The following HOMER1 variants were observed in gnomAD, a reference collection of about 807,000 sequenced individuals.
HOMER1 encodes homer scaffold protein 1.
A neutral mutation model predicts 48.9 loss-of-function variants in HOMER1; 3 were observed. That is an observed-to-expected ratio of 0.06 (90% CI 0.03 to 0.16). HOMER1 has a LOEUF of 0.16. HOMER1 is among the 10% of genes least tolerant of loss of function. The probability of loss-of-function intolerance (pLI) is 1.00; values close to 1 mark genes in which losing one functional copy is unlikely to be tolerated. For synonymous variants in HOMER1, 134 were observed against 146.4 expected, an observed-to-expected ratio of 0.92 and a Z score of 0.61; for missense variants, 247 against 411.4, an observed-to-expected ratio of 0.60 and a Z score of 3.46.
At chr5:79,400,417 C>T (rs990460433) in intron 6 of HOMER1, among the ~76,000 whole-genome samples, 3 of 149,148 alleles carry the variant, frequency 2.0e-5, no homozygotes, top group Non-Finnish European at 4.4e-5. Flanking sequence ...TATGCAGTGG[C>T]GTGATCTCAG....
At chr5:79,487,754 G>A (rs1055119808) in intron 1 of HOMER1, among the ~76,000 whole-genome samples, 2 of 152,212 alleles carry the variant, frequency 1.3e-5, no homozygotes, top group Non-Finnish European at 2.9e-5. Context: ...GGGGAACTGT[G>A]ATCACTTATT....
At chr5:79,440,990 T>G (rs1750721101) in intron 4 of HOMER1, among the ~76,000 whole-genome samples, 2 of 151,852 alleles carry the variant, frequency 1.3e-5, no homozygotes, top group Admixed American at 6.6e-5. Flanking sequence ...AAACCCAATC[T>G]CTACAAAAAT....
intron 1 of HOMER1, among the ~76,000 whole-genome samples, chr5:79,493,150 C>G (rs914322444): frequency 6.6e-6 from 1 of 152,104 alleles, no homozygotes; most frequent in African/African-American, 2.4e-5. Context: ...AACTCCTGAC[C>G]TCAGGCGATC....
At chr5:79,437,818 C>T (rs1392751215) in intron 5 of HOMER1, among the ~76,000 whole-genome samples, 1 of 152,066 alleles carries the variant, frequency 6.6e-6, no homozygotes, top group Non-Finnish European at 1.5e-5. Flanking sequence ...ACATGCCTGG[C>T]CTAAGTTTTT....
intron 1 of HOMER1, among the ~76,000 whole-genome samples, chr5:79,500,874 C>T (rs1232458202): frequency 2.6e-5 from 4 of 151,670 alleles, no homozygotes; most frequent in African/African-American, 9.7e-5. Context: ...ATCCGCCCGC[C>T]TCAGCCTCCC....
At chr5:79,505,564 C>A (rs551620949) in intron 1 of HOMER1, among the ~76,000 whole-genome samples, 2 of 152,232 alleles carry the variant, frequency 1.3e-5, no homozygotes, top group African/African-American at 4.8e-5. Context: ...GGTGCCAACA[C>A]TTCTCAAAAG....
At chr5:79,467,310 G>C (rs1437130181) in intron 1 of HOMER1, among the ~76,000 whole-genome samples, 3 of 143,400 alleles carry the variant, frequency 2.1e-5, no homozygotes, top group East Asian at 4.5e-4. Context: ...AGAATGGCTT[G>C]AACCTGGGAG....
intron 1 of HOMER1, among the ~76,000 whole-genome samples, chr5:79,483,829 T>C (rs977059923): frequency 6.7e-5 from 10 of 148,564 alleles, no homozygotes; most frequent in African/African-American, 2.0e-4. Context: ...CCGAGGTGGG[T>C]GGATCACCTG....
At position 79,429,766 on chromosome 5, in the gene HOMER1, G is replaced by A. The variant is rs138186000; in HGVS notation, c.527+9244C>T. ...TGGCTGGGCGTGGTGGCTCACGCCT[G>A]TAATCCCAGCACTTTGGGAGGAAGA... On this transcript the variant is annotated intron_variant, in intron 5 of 8. Transcript: ENST00000334082. Among the ~76,000 whole-genome samples the A allele has an allele frequency of 4.0e-3, 605 of 152,316 alleles. 6 individuals carry two copies. Among genetic ancestry groups the A allele is most frequent in the African/African-American group, 0.014 (580 of 41,582 alleles).
At chr5:79,404,054 T>A (rs1189851669) in intron 5 of HOMER1, among the ~76,000 whole-genome samples, 2 of 152,228 alleles carry the variant, frequency 1.3e-5, no homozygotes, top group East Asian at 3.8e-4. Context: ...TAGATTTTTC[T>A]TTAAACCACC....
intron 5 of HOMER1, among the ~76,000 whole-genome samples, chr5:79,421,966 C>T (rs139678358): frequency 2.6e-5 from 4 of 152,110 alleles, no homozygotes; most frequent in African/African-American, 9.7e-5. Flanking sequence ...GTGGCTCACA[C>T]CTCTAATCCC....
intron 4 of HOMER1, among the ~76,000 whole-genome samples, chr5:79,443,658 C>A (rs900552657): frequency 6.6e-6 from 1 of 152,156 alleles, no homozygotes; most frequent in Non-Finnish European, 1.5e-5. Flanking sequence ...ATGCTAAGTA[C>A]TTTCTAATCC....
At chr5:79,445,897 G>C (rs551204406) in intron 4 of HOMER1, among the ~76,000 whole-genome samples, 2 of 152,334 alleles carry the variant, frequency 1.3e-5, no homozygotes, top group South Asian at 4.1e-4. Flanking sequence ...CTGGGTGACA[G>C]AGCATGACTC....
rs201780408 is a variant in HOMER1 at position 79,425,775 on chromosome 5, G to GA, written c.527+13234dup. Reference sequence around the variant, plus strand: ...AGTATCCATTCTCTGTAACTCTAGAGAAAAAAAAAATCTATTATTTCGTAG... The same window carrying GA: ...AGTATCCATTCTCTGTAACTCTAGAGAAAAAAAAAAATCTATTATTTCGTAG... On this transcript the variant is annotated intron_variant, in intron 5 of 8. Transcript: ENST00000334082. Among the ~76,000 whole-genome samples the GA allele has an allele frequency of 6.9e-4, 103 of 148,852 alleles. 1 individual carries two copies. In the Middle Eastern group the frequency reaches 0.021, roughly 30 times the overall value.
At position 79,467,391 on chromosome 5, in the gene HOMER1, C is replaced by CAAAA. The variant is rs71767032; in HGVS notation, c.6-10377_6-10374dup. Among the ~76,000 whole-genome samples, 391 of 51,338 alleles carry CAAAA rather than the reference C, an allele frequency of 7.6e-3. 15 individuals are homozygous for CAAAA. Among genetic ancestry groups the CAAAA allele is most frequent in the African/African-American group, 0.02 (285 of 13,930 alleles). The allele number at this position is 51,338 out of a possible 152,430, so 33.7% of individuals were successfully genotyped here. A position where few individuals can be genotyped will look rare whatever the true frequency, so the allele number is the denominator to read the frequency against. ...GCGCAACAAGAGTGAAACTCCATCT[C>CAAAA]AAAAAAAAAAAAAAAAAAAAAACTA... is the stretch of plus-strand genomic sequence containing the variant. On this transcript the variant is annotated intron_variant, in intron 1 of 8. Coordinates refer to ENST00000334082, the MANE Select transcript of HOMER1 (RefSeq NM_004272.5).
At chr5:79,506,790 T>C (rs930678452) in intron 1 of HOMER1, among the ~76,000 whole-genome samples, 1 of 152,094 alleles carries the variant, frequency 6.6e-6, no homozygotes, top group Admixed American at 6.5e-5. Flanking sequence ...TAAGCCATGA[T>C]GGCACCACTG....
intron 5 of HOMER1, among the ~76,000 whole-genome samples, chr5:79,432,070 T>G (rs1367993149): frequency 2.6e-5 from 4 of 152,254 alleles, no homozygotes; most frequent in African/African-American, 4.8e-5. Context: ...CACTATTTAC[T>G]GTCACATATA....
intron 5 of HOMER1, 42 bp downstream of exon 5, chr5:79,438,968 T>A: frequency 6.4e-7 from 1 of 1,569,102 alleles, no homozygotes; most frequent in Non-Finnish European, 8.8e-7. Context: ...ATTTCCATAT[T>A]TACACATTTA....
chr5:79,492,935 T>TTA (rs1561385945), intron 1 of HOMER1, among the ~76,000 whole-genome samples: 5 of 113,014 alleles, frequency 4.4e-5, no homozygotes, highest in Admixed American at 4.2e-4. Flanking sequence ...TTTTTTTTTT[T>TTA]AAAGACAGAG....
Sources: allele counts gnomAD v4.1 joint callset (sites outside exome capture counted in the v4.1 genomes callset), GRCh38; gene constraint gnomAD v4.1.1; transcripts MANE v1.5; gene names NCBI Gene and HGNC (gene_info 2026-07-23, HGNC 2026-07-21).